Variants in ESRRG observed in about 807,000 individuals in gnomAD.
The protein encoded by ESRRG is estrogen related receptor gamma.
In ESRRG, 13 loss-of-function variants were observed where a neutral mutation model predicts 44.0. That is an observed-to-expected ratio of 0.30 (90% CI 0.19 to 0.47). The LOEUF (loss-of-function observed/expected upper bound fraction) is 0.47, where lower values mean the gene tolerates loss of function less well. Ranked by LOEUF, ESRRG falls within the 20% of genes least tolerant of loss-of-function variation. ESRRG has a pLI of 1.00. For synonymous variants in ESRRG, 215 were observed against 214.6 expected, an observed-to-expected ratio of 1.00 and a Z score of -0.02; for missense variants, 395 against 580.6, an observed-to-expected ratio of 0.68 and a Z score of 3.29.
rs776262531 is a variant in ESRRG at position 216,645,871 on chromosome 1, CAA to C, written c.589+5100_589+5101del. ...TAGGGGACAGAGCCAGACCCCTTCT[CAA>C]AAAAAAAAAAAAAAAAAAAAATGCC... is the stretch of plus-strand genomic sequence containing the variant. On this transcript the variant is annotated intron_variant, in intron 3 of 6. Transcript: ENST00000408911. 3.9e-3 allele frequency among the ~76,000 whole-genome samples: 358 copies of C among 91,186 alleles called. 1 individual carries two copies. The highest frequency in any genetic ancestry group is 0.013 in the African/African-American group (296 of 23,554). 59.8% of individuals were successfully genotyped at this position (91,186 alleles called of 152,430 possible). A position where few individuals can be genotyped will look rare whatever the true frequency, so the allele number is the denominator to read the frequency against.
intron 3 of ESRRG, among the ~76,000 whole-genome samples, chr1:216,614,060 A>G (rs2061049878): frequency 6.6e-6 from 1 of 152,180 alleles, no homozygotes; most frequent in Admixed American, 6.5e-5. Flanking sequence ...CTTTACAAAA[A>G]CACACCATTT....
intron 2 of ESRRG, among the ~76,000 whole-genome samples, chr1:216,664,260 G>T (rs1438633985): frequency 6.6e-6 from 1 of 152,014 alleles, no homozygotes; most frequent in Non-Finnish European, 1.5e-5. Context: ...CGGGGACCCA[G>T]TTGTTCTTTG....
At chr1:216,963,807 C>G (rs535077975) in intron 1 of ESRRG, among the ~76,000 whole-genome samples, 65 of 152,246 alleles carry the variant, frequency 4.3e-4, no homozygotes, top group African/African-American at 1.5e-3. Context: ...AAAGCAGACA[C>G]AGTCTCTGCC....
chr1:216,948,219 T>C (rs1331637855), intron 1 of ESRRG, among the ~76,000 whole-genome samples: 1 of 152,098 alleles, frequency 6.6e-6, no homozygotes, highest in Non-Finnish European at 1.5e-5. Flanking sequence ...CCAGCTACTA[T>C]GATAAATCTG....
At chr1:217,064,185 T>C (rs2089189173) in intron 1 of ESRRG, among the ~76,000 whole-genome samples, 1 of 135,170 alleles carries the variant, frequency 7.4e-6, no homozygotes, top group Non-Finnish European at 1.7e-5. Flanking sequence ...GATGTATGTA[T>C]ATAGGTATAT....
intron 1 of ESRRG, among the ~76,000 whole-genome samples, chr1:216,993,445 T>C (rs1560400572): frequency 2.0e-5 from 3 of 152,266 alleles, no homozygotes; most frequent in Non-Finnish European, 1.5e-5. Flanking sequence ...ATATAACTTA[T>C]ATGCAACCCA....
chr1:217,006,057 T>C (rs1323412624), intron 1 of ESRRG, among the ~76,000 whole-genome samples: 3 of 152,062 alleles, frequency 2.0e-5, no homozygotes, highest in African/African-American at 4.8e-5. Flanking sequence ...TGGAATGGCT[T>C]TGAACTCATA....
At chr1:217,028,029 G>A (rs954087986) in intron 1 of ESRRG, among the ~76,000 whole-genome samples, 3 of 152,074 alleles carry the variant, frequency 2.0e-5, no homozygotes, top group African/African-American at 4.8e-5. Flanking sequence ...AAACTGTCAC[G>A]AGAATCACAA....
chr1:216,922,088 T>A (rs1489778953), intron 2 of ESRRG, among the ~76,000 whole-genome samples: 4 of 152,232 alleles, frequency 2.6e-5, no homozygotes, highest in African/African-American at 9.6e-5. Context: ...TATTGCTGGT[T>A]CTCTCTATGT....
At chr1:216,996,169 A>G (rs956466025) in intron 1 of ESRRG, among the ~76,000 whole-genome samples, 5 of 152,192 alleles carry the variant, frequency 3.3e-5, no homozygotes, top group Non-Finnish European at 7.3e-5. Flanking sequence ...GAGGGGGAAT[A>G]GTCTAGGATA....
upstream of ESRRG, among the ~76,000 whole-genome samples, chr1:217,092,834 C>T (rs939433692): frequency 6.6e-6 from 1 of 152,146 alleles, no homozygotes; most frequent in Non-Finnish European, 1.5e-5. Flanking sequence ...CCTAGAATGC[C>T]ACTTTTCAAT....
chr1:216,660,338 G>T (rs1450810283), intron 2 of ESRRG, among the ~76,000 whole-genome samples: 1 of 152,140 alleles, frequency 6.6e-6, no homozygotes. Flanking sequence ...AAGAACAGGA[G>T]AATAACAAAC....
chr1:217,115,396 T>A (rs541310665), intron 1 of ESRRG, among the ~76,000 whole-genome samples: 1 of 152,094 alleles, frequency 6.6e-6, no homozygotes, highest in African/African-American at 2.4e-5. Flanking sequence ...GGCTTTAGCA[T>A]GATAGGAGGT....
chr1:216,891,413 C>T (rs1488267428), intron 2 of ESRRG, among the ~76,000 whole-genome samples: 1 of 152,246 alleles, frequency 6.6e-6, no homozygotes, highest in Non-Finnish European at 1.5e-5. Flanking sequence ...TTCCTTTGCA[C>T]ACATACACAT....
chr1:216,555,661 C>T (rs2057393361), intron 5 of ESRRG, among the ~76,000 whole-genome samples: 1 of 152,100 alleles, frequency 6.6e-6, no homozygotes, highest in Admixed American at 6.6e-5. Flanking sequence ...ATGTCTCCAG[C>T]TGCCACACAA....
At chr1:216,741,912 A>G (rs2090785266) in intron 2 of ESRRG, among the ~76,000 whole-genome samples, 1 of 152,100 alleles carries the variant, frequency 6.6e-6, no homozygotes, top group Admixed American at 6.6e-5. Flanking sequence ...AACTGCCTGA[A>G]TTTCCTCACT....
Position 216,564,232 on chromosome 1 carries a change from C to T in ESRRG, c.849G>A (p.Ala283=), listed in dbSNP as rs780520471. The change falls in exon 5 of 7, where the codon GCG becomes GCA. Residue 283 remains alanine, a synonymous_variant. Transcript: ENST00000408911. ...DRELVVIIGW[A]KHIPGFSTLS... The stretch of plus-strand genomic sequence containing the variant: ...CAGAAAATGTACCTGGAATATGCTT[C>T]GCCCATCCAATGATAACCACCAACT... 33 of 1,525,708 alleles carry T rather than the reference C, an allele frequency of 2.2e-5. No homozygotes were observed. Among genetic ancestry groups the T allele is most frequent in the African/African-American group, 2.8e-5 (2 of 70,766 alleles). 94.5% of individuals were successfully genotyped at this position (1,525,708 alleles called of 1,614,324 possible). A position where few individuals can be genotyped will look rare whatever the true frequency, so the allele number is the denominator to read the frequency against.
At chr1:217,131,586 G>A (rs961163206) in intron 1 of ESRRG, among the ~76,000 whole-genome samples, 7 of 152,202 alleles carry the variant, frequency 4.6e-5, no homozygotes, top group African/African-American at 1.7e-4. Flanking sequence ...CTGGATGAAA[G>A]TAAATGCTTT....
chr1:216,673,588 T>C (rs962850960), intron 2 of ESRRG, among the ~76,000 whole-genome samples: 10 of 152,360 alleles, frequency 6.6e-5, no homozygotes, highest in African/African-American at 2.4e-4. Flanking sequence ...TTTGCTCTGT[T>C]AAGCTTTTGG....
Sources: gnomAD v4.1 joint callset for allele counts (sites outside exome capture counted in the v4.1 genomes callset) on GRCh38, gnomAD v4.1.1 for gene constraint, MANE v1.5 for transcripts, NCBI Gene and HGNC (gene_info 2026-07-23, HGNC 2026-07-21) for gene names.